The following LAMA4 variants were observed in gnomAD, a reference collection of about 807,000 sequenced individuals.
LAMA4 encodes laminin subunit alpha-4.
In LAMA4, 127 loss-of-function variants were observed where a neutral mutation model predicts 207.1. The observed-to-expected ratio is 0.61, with a 90% CI of 0.53 to 0.71. LAMA4 has a LOEUF of 0.71. Ranked by LOEUF, LAMA4 falls within the 30% of genes least tolerant of loss-of-function variation. LAMA4 has a pLI of 0.00. For missense variants in LAMA4, 2,093 were observed against 2,246.5 expected, an observed-to-expected ratio of 0.93 and a Z score of 1.38; for synonymous variants, 761 against 816.0, an observed-to-expected ratio of 0.93 and a Z score of 1.15.
At chr6:112,212,520 G>C (rs949285477) in intron 3 of LAMA4, among the ~76,000 whole-genome samples, 2 of 152,038 alleles carry the variant, frequency 1.3e-5, no homozygotes, top group Non-Finnish European at 2.9e-5. Context: ...CACCGTGCCC[G>C]GCCAGTTTCT....
At position 112,141,377 on chromosome 6, in the gene LAMA4, T is replaced by G; in HGVS notation, c.2794A>C (p.Ser932Arg). 1.2e-5 allele frequency: 19 copies of G among 1,614,148 alleles called. No homozygotes were observed. Among genetic ancestry groups the G allele is most frequent in the Non-Finnish European group, 1.6e-5 (19 of 1,180,000 alleles). Residue 932 changes from serine (S) to arginine (R), a missense_variant, in exon 21 of 39, where the codon AGC becomes CGC. Physicochemically the swap from Ser to Arg is moderately radical, Grantham distance 110. Around this residue, in one of 3 missense-constraint regions of LAMA4, gnomAD observed 1,704 missense variants for 1,788.4 expected, o/e 0.95. Transcript: ENST00000230538. ...KPVSSWPAYF[S>R]IVKIERVGKH... ...CTGTACCTTTCAATCTTGACAATGC[T>G]GAAGTAAGCAGGCCAGGAACTGACG...
chr6:112,189,276 T>C, intron 6 of LAMA4, 71 bp from the exon 7 acceptor site: 1 of 1,069,106 alleles, frequency 9.4e-7, no homozygotes, highest in Non-Finnish European at 1.4e-6. Context: ...ATTTTCCTGG[T>C]TTCTAGAAAC....
At chr6:112,134,889 C>G (rs1342262878) in intron 25 of LAMA4, among the ~76,000 whole-genome samples, 1 of 151,338 alleles carries the variant, frequency 6.6e-6, no homozygotes, top group African/African-American at 2.4e-5. Context: ...TCCTCCTGCT[C>G]CTTCTGAGAG....
rs1583933654 is a variant in LAMA4 at position 112,222,284 on chromosome 6, A to G, written c.196-5815T>C. On this transcript the variant is annotated intron_variant, in intron 2 of 38. Coordinates refer to ENST00000230538, the MANE Select transcript of LAMA4 (RefSeq NM_001105206.3). ...TTGACAGCGATTTCACCATAACTCA[A>G]TTAGGAAAGTGGTTTCAACATTCTT... is the stretch of plus-strand genomic sequence containing the variant. Among the ~76,000 whole-genome samples the G allele has an allele frequency of 2.6e-5, 4 of 152,344 alleles. No individual in the cohort carries two copies. The South Asian group carries it at 6.2e-4, about 24-fold the overall frequency.
At chr6:112,242,099 GAC>G (rs2114382555) in intron 2 of LAMA4, among the ~76,000 whole-genome samples, 1 of 152,266 alleles carries the variant, frequency 6.6e-6, no homozygotes, top group Non-Finnish European at 1.5e-5. Flanking sequence ...TTCCTTCAAG[GAC>G]ACAGAGTCTT....
chr6:112,109,366 C>T lies in LAMA4; in HGVS notation c.*71G>A. 4.5e-6 allele frequency: 7 copies of T among 1,559,330 alleles called. No homozygotes were observed. Among genetic ancestry groups the T allele is most frequent in the Non-Finnish European group, 6.2e-6 (7 of 1,135,254 alleles). On this transcript the variant is annotated 3_prime_UTR_variant, in exon 39 of 39. Transcript: ENST00000230538. ...CCACCCGAAGGAAGAGTTACTGTTC[C>T]TCCTGGCTGGCTTTGTGTTTCTTTC...
intron 9 of LAMA4, chr6:112,179,900 C>T (rs1554344890): frequency 1.9e-6 from 1 of 532,736 alleles, no homozygotes; most frequent in Non-Finnish European, 3.9e-6. Flanking sequence ...TCTTCTGAGT[C>T]ATTATACTCC....
At chr6:112,179,808 C>G in intron 9 of LAMA4, 1 of 432,960 alleles carries the variant, frequency 2.3e-6, no homozygotes, top group South Asian at 1.9e-5. Context: ...GAGCAAGGCT[C>G]CTGTAGTCAC....
intron 6 of LAMA4, among the ~76,000 whole-genome samples, chr6:112,190,930 TC>T (rs1783032686): frequency 2.1e-4 from 17 of 79,870 alleles, no homozygotes; most frequent in East Asian, 1.6e-3. Flanking sequence ...TTTCTTTCTT[TC>T]TTTCTTTCTT....
chr6:112,155,515 A>C (rs1374248324), intron 15 of LAMA4, 50 bp downstream of exon 15: 1 of 1,604,674 alleles, frequency 6.2e-7, no homozygotes. Flanking sequence ...CAGAAAACAG[A>C]AAAGCCAGTG....
rs587623481 is a variant in LAMA4 at position 112,116,012 on chromosome 6, T to C, written c.4982-19A>G. ...GATTCATCTGTGGAGAGAAACACTA[T>C]AAACTCCCAAGAACAGCAAGATCAT... is the stretch of plus-strand genomic sequence containing the variant. On this transcript the variant is annotated intron_variant, in intron 35 of 38. Transcript: ENST00000230538. 6.2e-7 allele frequency: 1 copy of C among 1,607,750 alleles called. No homozygotes were observed. Among genetic ancestry groups the C allele is most frequent in the Non-Finnish European group, 8.5e-7 (1 of 1,175,072 alleles).
At position 112,210,478 on chromosome 6, in the gene LAMA4, T is replaced by G. The variant is rs200233777; in HGVS notation, c.298-3333A>C. ...TTGGGATTGCCATTTGGACACCAAC[T>G]GTGTCTCCCCAACATGAGAAATGAT... On this transcript the variant is annotated intron_variant, in intron 3 of 38. Transcript: ENST00000230538. Among the ~76,000 whole-genome samples, 5 of 152,196 alleles carry G rather than the reference T, an allele frequency of 3.3e-5. No homozygotes were observed. In the East Asian group the frequency reaches 9.6e-4, roughly 29 times the overall value.
At chr6:112,200,025 T>A (rs1390684774) in intron 5 of LAMA4, 2 of 492,338 alleles carry the variant, frequency 4.1e-6, no homozygotes, top group Admixed American at 2.3e-5. Flanking sequence ...CTAATGGCAT[T>A]TCTGTTAAAA....
intron 30 of LAMA4, among the ~76,000 whole-genome samples, chr6:112,129,588 T>G (rs1160526117): frequency 6.6e-6 from 1 of 152,186 alleles, no homozygotes; most frequent in Non-Finnish European, 1.5e-5. Flanking sequence ...TTATGTGCAT[T>G]ATCTTCTCAT....
intron 2 of LAMA4, among the ~76,000 whole-genome samples, chr6:112,221,115 AG>A (rs1307157314): frequency 2.0e-5 from 3 of 152,310 alleles, no homozygotes; most frequent in South Asian, 4.1e-4. Context: ...GATGGGATTT[AG>A]GAAGAGTTTG....
chr6:112,238,686 G>A (rs534788601), intron 2 of LAMA4, among the ~76,000 whole-genome samples: 3 of 152,152 alleles, frequency 2.0e-5, no homozygotes, highest in South Asian at 4.1e-4. Flanking sequence ...CAGCCTGGGC[G>A]GCAGAGCAAG....
rs1779337380 is a variant in LAMA4 at position 112,136,241 on chromosome 6, C to A, written c.3296G>T (p.Arg1099Ile). The stretch of plus-strand genomic sequence containing the variant: ...TAGGTAACCATTGCGCATTTCCAGT[C>A]TGAAAAACATACTCTGAGGAGAGAA... ...LLMVNGSMFF[R>I]LEMRNGYLHV... The change falls in exon 25 of 39, where the codon AGA (arginine) becomes ATA (isoleucine). Residue 1099 changes from arginine to isoleucine, a missense_variant. Arg to Ile is a moderately conservative substitution (Grantham distance 97, BLOSUM62 -3). This residue lies in a region of LAMA4 where 1,704 missense variants were observed against 1,788.4 expected (regional missense o/e 0.95). Coordinates refer to ENST00000230538, the MANE Select transcript of LAMA4 (RefSeq NM_001105206.3). 3 of 1,611,358 alleles carry A rather than the reference C, an allele frequency of 1.9e-6. No individual in the cohort carries two copies. Among genetic ancestry groups the A allele is most frequent in the Non-Finnish European group, 2.5e-6 (3 of 1,177,940 alleles).
chr6:112,113,823 C>T (rs939386040), intron 38 of LAMA4, among the ~76,000 whole-genome samples: 8 of 151,950 alleles, frequency 5.3e-5, no homozygotes, highest in East Asian at 3.9e-4. Flanking sequence ...ATGTGTGTGG[C>T]GGGCACTTAA....
rs1554336523 is a variant in LAMA4 at position 112,154,895 on chromosome 6, T to A, written c.2012A>T (p.Asn671Ile). 5.0e-6 allele frequency: 8 copies of A among 1,613,466 alleles called. No homozygotes were observed. The highest frequency in any genetic ancestry group is 6.8e-6 in the Non-Finnish European group (8 of 1,179,480). ...QIIYHKDESENLLNQARELQA... is the reference protein window; with the variant it reads ...QIIYHKDESEILLNQARELQA... ...CAGTTCTCTGGCTTGATTGAGGAGGTTCTCACTTTCATCTTTATGGTAAAT... is the reference window on the plus strand; with the variant it reads ...CAGTTCTCTGGCTTGATTGAGGAGGATCTCACTTTCATCTTTATGGTAAAT... Residue 671 changes from asparagine to isoleucine, a missense_variant, in exon 16 of 39, where the codon AAC (asparagine) becomes ATC (isoleucine). Asn to Ile is a moderately radical substitution (Grantham distance 149). Coordinates refer to ENST00000230538, the MANE Select transcript of LAMA4 (RefSeq NM_001105206.3).
Sources: allele counts gnomAD v4.1 joint callset (sites outside exome capture counted in the v4.1 genomes callset), GRCh38; gene constraint gnomAD v4.1.1; regional missense constraint gnomAD v4.1.1; transcripts MANE v1.5; gene names NCBI Gene and HGNC (gene_info 2026-07-23, HGNC 2026-07-21).